Variants in SFRP1 observed in about 807,000 individuals in gnomAD.
SFRP1 encodes the protein secreted frizzled related protein 1, also known as secreted frizzled-related protein 1.
Under a neutral mutation model 25.9 loss-of-function variants are expected in SFRP1, and 9 were observed. The ratio of observed to expected loss-of-function variants is 0.35; its 90% confidence interval spans 0.21 to 0.61. SFRP1 has a LOEUF of 0.61. Ranked by LOEUF, SFRP1 falls within the 20% of genes least tolerant of loss-of-function variation. The pLI is 0.78. For missense variants in SFRP1, 346 were observed against 418.2 expected, an observed-to-expected ratio of 0.83 and a Z score of 1.51; for synonymous variants, 178 against 174.0, an observed-to-expected ratio of 1.02 and a Z score of -0.18.
chr8:41,300,055 G>A lies in SFRP1; in HGVS notation c.622+3406C>T, dbSNP rs575565406. On this transcript the variant is annotated intron_variant, in intron 2 of 2. Transcript: ENST00000220772. ...ACCCAAGGTTTAGTTTGGAAAGGCTGAGCCTACTTTCTGCAAGAACTCAAA... is the reference window on the plus strand; with the variant it reads ...ACCCAAGGTTTAGTTTGGAAAGGCTAAGCCTACTTTCTGCAAGAACTCAAA... Among the ~76,000 whole-genome samples the A allele has an allele frequency of 3.3e-4, 50 of 152,312 alleles. 1 individual carries two copies. The South Asian group carries it at 5.0e-3, about 15-fold the overall frequency.
At chr8:41,285,453 C>T (rs1238904127) in intron 2 of SFRP1, among the ~76,000 whole-genome samples, 1 of 152,244 alleles carries the variant, frequency 6.6e-6, no homozygotes, top group African/African-American at 2.4e-5. Flanking sequence ...CCACTCCCTA[C>T]TTCCCTGCCA....
Position 41,309,092 on chromosome 8 carries a change from G to C in SFRP1, c.68C>G (p.Ala23Gly), listed in dbSNP as rs1410024224. The C allele has an allele frequency of 6.3e-7, 1 of 1,580,426 alleles. No individual in the cohort carries two copies. Among genetic ancestry groups the C allele is most frequent in the South Asian group, 1.1e-5 (1 of 88,634 alleles). Residue 23 changes from alanine (A) to glycine (G), a missense_variant, in exon 1 of 3, where the codon GCG becomes GGG. By Grantham distance (60) the Ala-to-Gly change is moderately conservative (BLOSUM62 0). Transcript: ENST00000220772. Reference protein sequence around the residue: ...AALGVLLALGAALLAVGSASE... With the variant: ...AALGVLLALGGALLAVGSASE... ...GGCCGAGCCCACGGCCAGAAGCGCC[G>C]CGCCCAGCGCCAGCAGCACGCCCAG...
intron 2 of SFRP1, among the ~76,000 whole-genome samples, chr8:41,288,318 T>G (rs1158672501): frequency 1.3e-5 from 2 of 151,704 alleles, no homozygotes; most frequent in African/African-American, 4.8e-5. Flanking sequence ...AATCGTGCCA[T>G]TGCACTCCAG....
chr8:41,300,983 G>T (rs895353248), intron 2 of SFRP1, among the ~76,000 whole-genome samples: 3 of 152,188 alleles, frequency 2.0e-5, no homozygotes, highest in African/African-American at 7.2e-5. Flanking sequence ...CAGGTACAGT[G>T]CAGGGCTGGA....
chr8:41,267,826 G>A (rs527494807), intron 2 of SFRP1, among the ~76,000 whole-genome samples: 5 of 152,232 alleles, frequency 3.3e-5, no homozygotes, highest in Non-Finnish European at 5.9e-5. Context: ...CTGACTCTAT[G>A]GTTCCAAAAT....
intron 1 of SFRP1, among the ~76,000 whole-genome samples, chr8:41,305,776 A>G (rs1803987980): frequency 6.6e-6 from 1 of 152,238 alleles, no homozygotes; most frequent in African/African-American, 2.4e-5. Flanking sequence ...TTTGTGATAC[A>G]TCAATCCACA....
intron 2 of SFRP1, among the ~76,000 whole-genome samples, chr8:41,279,471 TTCTGTCCCAGAAAGGTTCA>T (rs1277230551): frequency 6.6e-6 from 1 of 152,116 alleles, no homozygotes; most frequent in Non-Finnish European, 1.5e-5. Context: ...AGCAGAACCT[TTCTGTCCCAGAAAGGTTCA>T]AGTCCCACAA....
At chr8:41,301,758 G>A (rs549978932) in intron 2 of SFRP1, among the ~76,000 whole-genome samples, 43 of 152,332 alleles carry the variant, frequency 2.8e-4, no homozygotes, top group African/African-American at 9.6e-4. Flanking sequence ...ATATTGTCAG[G>A]GCTAAAGGAA....
intron 2 of SFRP1, among the ~76,000 whole-genome samples, chr8:41,281,889 C>T (rs571418261): frequency 2.0e-5 from 3 of 152,294 alleles, no homozygotes; most frequent in African/African-American, 7.2e-5. Context: ...GTCCAGAGCA[C>T]CTCTGGCGAA....
chr8:41,308,569 G>A (rs1429703099), intron 1 of SFRP1, 47 bp downstream of exon 1: 2 of 1,451,598 alleles, frequency 1.4e-6, no homozygotes, highest in Non-Finnish European at 1.9e-6. Context: ...AGCTCCGGCC[G>A]GGGGATGGAG....
In SFRP1 at chr8:41,264,969, C is replaced by T. The variant is rs897373175; in HGVS notation, c.*198G>A. On this transcript the variant is annotated 3_prime_UTR_variant, in exon 3 of 3. Transcript: ENST00000220772. ...TAATCTAAATGGCCCTTGCTTTACC[C>T]GGCCATGGCTACCCTGGGGTTTGGA... 5 of 555,740 alleles carry T rather than the reference C, an allele frequency of 9.0e-6. No individual in the cohort carries two copies. The highest frequency in any genetic ancestry group is 4.6e-4 in the Middle Eastern group (1 of 2,178). The allele number at this position is 555,740 out of a possible 1,614,324, so 34.4% of individuals were successfully genotyped here.
chr8:41,268,745 G>A (rs1333456225), intron 2 of SFRP1, among the ~76,000 whole-genome samples: 2 of 152,220 alleles, frequency 1.3e-5, no homozygotes, highest in African/African-American at 2.4e-5. Flanking sequence ...CCTTGTGGGT[G>A]TGTGTGCAGA....
At chr8:41,291,215 A>G (rs1803775844) in intron 2 of SFRP1, among the ~76,000 whole-genome samples, 1 of 151,410 alleles carries the variant, frequency 6.6e-6, no homozygotes, top group Admixed American at 6.6e-5. Flanking sequence ...GCCTTTTTTG[A>G]GGACTTTTTT....
intron 2 of SFRP1, among the ~76,000 whole-genome samples, chr8:41,278,390 T>C (rs1803595707): frequency 6.6e-6 from 1 of 152,250 alleles, no homozygotes; most frequent in African/African-American, 2.4e-5. Context: ...ACCTTTAGCA[T>C]AAACTTGGGT....
chr8:41,294,971 A>G (rs2117509835), intron 2 of SFRP1, among the ~76,000 whole-genome samples: 1 of 152,296 alleles, frequency 6.6e-6, no homozygotes, highest in East Asian at 1.9e-4. Flanking sequence ...AAGAACCCCA[A>G]GGCTAGTGTG....
intron 2 of SFRP1, among the ~76,000 whole-genome samples, chr8:41,303,231 C>T (rs1414279832): frequency 6.6e-6 from 1 of 151,938 alleles, no homozygotes; most frequent in East Asian, 1.9e-4. Flanking sequence ...GCCCAAAAAT[C>T]TGTCCAGCGA....
chr8:41,301,053 CA>C (rs1803910052), intron 2 of SFRP1, among the ~76,000 whole-genome samples: 1 of 152,172 alleles, frequency 6.6e-6, no homozygotes, highest in South Asian at 2.1e-4. Context: ...CCGAGAAGGT[CA>C]GGGGTCAGAC....
intron 2 of SFRP1, among the ~76,000 whole-genome samples, chr8:41,294,598 T>TACAGA (rs1803817536): frequency 6.6e-6 from 1 of 152,190 alleles, no homozygotes; most frequent in Non-Finnish European, 1.5e-5. Flanking sequence ...ATGATGTCCC[T>TACAGA]TAATTCCTGC....
rs931270949 is a variant in SFRP1 at position 41,276,813 on chromosome 8, A to G, written c.623-11324T>C. ...TAATTGAAGTTGTCCTGTTTTCTGG[A>G]CCCCAGACACCTCAGGAAGGTGGCC... On this transcript the variant is annotated intron_variant, in intron 2 of 2. Coordinates refer to ENST00000220772, the MANE Select transcript of SFRP1 (RefSeq NM_003012.5). 1.4e-4 allele frequency: 50 copies of G among 370,194 alleles called. 1 individual carries two copies. The highest frequency in any genetic ancestry group is 4.0e-4 in the Admixed American group (13 of 32,608). 22.9% of individuals were successfully genotyped at this position (370,194 alleles called of 1,614,324 possible).
Sources: gnomAD v4.1 joint callset for allele counts (sites outside exome capture counted in the v4.1 genomes callset) on GRCh38, gnomAD v4.1.1 for gene constraint, MANE v1.5 for transcripts, NCBI Gene and HGNC (gene_info 2026-07-23, HGNC 2026-07-21) for gene names.